The following WWOX variants were observed in gnomAD, a reference collection of about 807,000 sequenced individuals.
WWOX encodes the protein WW domain containing oxidoreductase, also known as WW domain-containing oxidoreductase.
Under a neutral mutation model 46.2 loss-of-function variants are expected in WWOX, and 69 were observed. That is an observed-to-expected ratio of 1.49 (90% CI 1.23 to 1.82). The LOEUF (loss-of-function observed/expected upper bound fraction) is 1.82, where lower values mean the gene tolerates loss of function less well. WWOX is among the 40% of genes most tolerant of loss of function. The pLI, the probability that WWOX is intolerant of heterozygous loss-of-function variation, is 0.00. For missense variants in WWOX, 919 were observed against 542.6 expected (o/e 1.69, Z -6.89); for synonymous variants, 359 against 202.6 (o/e 1.77, Z -6.56).
intron 8 of WWOX, among the ~76,000 whole-genome samples, chr16:79,164,813 C>T (rs1398269724): frequency 6.6e-6 from 1 of 152,118 alleles, no homozygotes; most frequent in Admixed American, 6.5e-5. Flanking sequence ...ATTCAGGGCC[C>T]TTTGTCATTT....
chr16:78,409,913 T>G (rs900304314), intron 6 of WWOX, among the ~76,000 whole-genome samples: 1 of 152,188 alleles, frequency 6.6e-6, no homozygotes, highest in East Asian at 1.9e-4. Flanking sequence ...TTACCTAGAT[T>G]ATCTAGCATG....
intron 8 of WWOX, among the ~76,000 whole-genome samples, chr16:78,754,015 A>T (rs777254940): frequency 6.6e-6 from 1 of 151,442 alleles, no homozygotes; most frequent in Non-Finnish European, 1.5e-5. Flanking sequence ...ATGATTATTA[A>T]ATTATCATTA....
intron 8 of WWOX, among the ~76,000 whole-genome samples, chr16:79,022,281 C>G (rs942157321): frequency 6.7e-6 from 1 of 149,912 alleles, no homozygotes; most frequent in South Asian, 2.1e-4. Context: ...CTGCGAAAAG[C>G]TCGCTCTGAT....
chr16:78,778,515 C>A (rs1376435147), intron 8 of WWOX, among the ~76,000 whole-genome samples: 1 of 152,138 alleles, frequency 6.6e-6, no homozygotes, highest in African/African-American at 2.4e-5. Flanking sequence ...GAGGACGGGG[C>A]CAAGTCATTT....
chr16:78,805,014 A>T (rs914338002), intron 8 of WWOX, among the ~76,000 whole-genome samples: 1 of 152,254 alleles, frequency 6.6e-6, no homozygotes, highest in Non-Finnish European at 1.5e-5. Flanking sequence ...GAAGCTTTGC[A>T]TGAGCAAAAT....
intron 8 of WWOX, among the ~76,000 whole-genome samples, chr16:78,811,763 A>G (rs2051195943): frequency 6.6e-6 from 1 of 152,082 alleles, no homozygotes; most frequent in Non-Finnish European, 1.5e-5. Context: ...CCAGGGTCCC[A>G]CACCCAGATA....
At chr16:79,189,290 C>T (rs1448430973) in intron 8 of WWOX, among the ~76,000 whole-genome samples, 1 of 151,698 alleles carries the variant, frequency 6.6e-6, no homozygotes, top group Non-Finnish European at 1.5e-5. Flanking sequence ...CAGGATCTCA[C>T]TTTGTCACCC....
chr16:78,985,487 G>A (rs553812978), intron 8 of WWOX, among the ~76,000 whole-genome samples: 2 of 151,410 alleles, frequency 1.3e-5, no homozygotes, highest in Admixed American at 1.3e-4. Context: ...TTCAGAATAG[G>A]GGCCAGGCGC....
intron 8 of WWOX, among the ~76,000 whole-genome samples, chr16:78,593,273 T>G (rs1385095396): frequency 6.6e-6 from 1 of 152,192 alleles, no homozygotes; most frequent in South Asian, 2.1e-4. Context: ...ACTCCTGGCC[T>G]CAAGCAATCC....
In WWOX at chr16:78,897,998, C is replaced by T. The variant is rs1272874096; in HGVS notation, c.1057-313610C>T. ...TGCTTGTTTATGTATTGGCCATTTT[C>T]TAAAAATTAGATAGTCTTTTTAATA... On this transcript the variant is annotated intron_variant, in intron 8 of 8. Transcript: ENST00000566780. The T allele has an allele frequency of 2.3e-5, 3 of 129,146 alleles. No homozygotes were observed. The South Asian group carries it at 6.5e-4, about 28-fold the overall frequency. 8.0% of individuals were successfully genotyped at this position (129,146 alleles called of 1,614,324 possible).
intron 8 of WWOX, among the ~76,000 whole-genome samples, chr16:79,176,549 G>C (rs2050804253): frequency 6.6e-6 from 1 of 152,170 alleles, no homozygotes; most frequent in Non-Finnish European, 1.5e-5. Flanking sequence ...GTATAAACTT[G>C]AGTCTTCTCT....
intron 5 of WWOX, among the ~76,000 whole-genome samples, chr16:78,245,971 A>G (rs1363270479): frequency 6.6e-6 from 1 of 152,226 alleles, no homozygotes; most frequent in East Asian, 1.9e-4. Flanking sequence ...ATTAAGAAGC[A>G]TTCAAAGACT....
chr16:78,292,277 A>G (rs1045030672), intron 5 of WWOX, among the ~76,000 whole-genome samples: 3 of 152,182 alleles, frequency 2.0e-5, no homozygotes, highest in African/African-American at 7.2e-5. Context: ...GCCCATAGTA[A>G]GGGGTATTGG....
chr16:78,278,626 A>G (rs1303976293), intron 5 of WWOX: 1 of 1,611,252 alleles, frequency 6.2e-7, no homozygotes, highest in South Asian at 1.1e-5. Flanking sequence ...ACCCTCCGCC[A>G]GAAAAGTGCA....
chr16:78,637,775 A>AT (rs2046609794), intron 8 of WWOX, among the ~76,000 whole-genome samples: 1 of 152,062 alleles, frequency 6.6e-6, no homozygotes, highest in South Asian at 2.1e-4. Context: ...AAATGGAGGG[A>AT]TGTGTAGGGG....
intron 8 of WWOX, among the ~76,000 whole-genome samples, chr16:78,696,686 G>A (rs1470286651): frequency 7.2e-6 from 1 of 138,874 alleles, no homozygotes; most frequent in African/African-American, 3.0e-5. Flanking sequence ...CACCTGTTTT[G>A]GGGGGGGTAC....
intron 8 of WWOX, among the ~76,000 whole-genome samples, chr16:79,187,685 G>C (rs772208086): frequency 2.0e-5 from 3 of 152,188 alleles, no homozygotes; most frequent in Admixed American, 6.5e-5. Context: ...GGGATTACAG[G>C]CATGCGCCAC....
At chr16:78,302,919 C>T (rs2080066165) in intron 5 of WWOX, among the ~76,000 whole-genome samples, 1 of 152,208 alleles carries the variant, frequency 6.6e-6, no homozygotes, top group African/African-American at 2.4e-5. Flanking sequence ...GACCTCACTA[C>T]TTTATCAACT....
intron 5 of WWOX, among the ~76,000 whole-genome samples, chr16:78,232,638 A>G (rs1011590973): frequency 3.3e-5 from 5 of 152,212 alleles, no homozygotes; most frequent in Non-Finnish European, 7.3e-5. Context: ...CCAGGGGCTG[A>G]ATATATTTTT....
Sources: allele counts gnomAD v4.1 joint callset (sites outside exome capture counted in the v4.1 genomes callset), GRCh38; gene constraint gnomAD v4.1.1; transcripts MANE v1.5; gene names NCBI Gene and HGNC (gene_info 2026-07-23, HGNC 2026-07-21).